SH3KBP1: variants seen among roughly 807,000 people sequenced by gnomAD.
SH3KBP1 encodes the protein SH3 domain-containing kinase-binding protein 1.
SH3KBP1 carries 8 observed loss-of-function variants against 50.1 expected under a neutral mutation model. The ratio of observed to expected loss-of-function variants is 0.16; its 90% CI spans 0.09 to 0.29. The LOEUF (loss-of-function observed/expected upper bound fraction) is 0.29. SH3KBP1 is among the 10% of genes least tolerant of loss of function. The pLI is 1.00. For missense variants in SH3KBP1, 377 were observed against 535.2 expected, an observed-to-expected ratio of 0.70 and a Z score of 2.92; for synonymous variants, 227 against 218.6, an observed-to-expected ratio of 1.04 and a Z score of -0.34.
intron 8 of SH3KBP1, among the ~76,000 whole-genome samples, chrX:19,618,245 G>A (rs780145836): frequency 9.1e-6 from 1 of 109,886 alleles, no homozygotes; most frequent in South Asian, 3.9e-4. Flanking sequence ...TTAGCCGGGC[G>A]TGGTGGCACA....
rs763203587 is a variant in SH3KBP1 at position 19,762,752 on chromosome X, G to A, written c.163-16311C>T. Among the ~76,000 whole-genome samples the A allele has an allele frequency of 9.8e-5, 11 of 111,873 alleles. No individual in the cohort carries two copies. The South Asian group carries it at 3.3e-3, about 34-fold the overall frequency. On this transcript the variant is annotated intron_variant, in intron 2 of 17. Coordinates refer to ENST00000397821, the MANE Select transcript of SH3KBP1 (RefSeq NM_031892.3). ...AGGCAAGGTGAATCAGGTGAGCTGC[G>A]TTATTTGTCACCATACCACAGATGA...
chrX:19,635,772 C>G (rs965719192), intron 7 of SH3KBP1, among the ~76,000 whole-genome samples: 5 of 110,738 alleles, frequency 4.5e-5, no homozygotes, highest in Non-Finnish European at 9.5e-5. Flanking sequence ...CCAACCACCC[C>G]CTCCTGTCCC....
In SH3KBP1 at chrX:19,774,654, A is replaced by AAAAGAAAGAAAGAAAG. The variant is rs3999801; in HGVS notation, c.163-28229_163-28214dup. ...CCACTGCACTCCCCTGTCTCAAAAA[A>AAAAGAAAGAAAGAAAG]AAAGAAAGAAAGAAAGAAAGAAAGA... On this transcript the variant is annotated intron_variant, in intron 2 of 17. Transcript: ENST00000397821. Among the ~76,000 whole-genome samples, 536 of 77,250 alleles carry AAAAGAAAGAAAGAAAG rather than the reference A, an allele frequency of 6.9e-3. 3 individuals are homozygous for AAAAGAAAGAAAGAAAG. Among genetic ancestry groups the AAAAGAAAGAAAGAAAG allele is most frequent in the East Asian group, 9.2e-3 (23 of 2,512 alleles). 67.1% of individuals were successfully genotyped at this position (77,250 alleles called of 115,157 possible).
At chrX:19,707,497 T>C (rs2063675869) in intron 3 of SH3KBP1, among the ~76,000 whole-genome samples, 1 of 111,812 alleles carries the variant, frequency 8.9e-6, no homozygotes, top group South Asian at 3.7e-4. Context: ...AAGTGAAGGC[T>C]GATTAGATTT....
At chrX:19,833,319 T>C (rs1186940208) in intron 2 of SH3KBP1, among the ~76,000 whole-genome samples, 2 of 104,189 alleles carry the variant, frequency 1.9e-5, no homozygotes, top group African/African-American at 7.1e-5. Context: ...CCTCCTTGCC[T>C]TCCCACATTC....
chrX:19,772,452 C>G (rs1318220422), intron 2 of SH3KBP1, among the ~76,000 whole-genome samples: 1 of 110,777 alleles, frequency 9.0e-6, no homozygotes. Context: ...AAAATAAGGC[C>G]CAAACAGCCT....
chrX:19,605,351 T>A (rs978766752), intron 9 of SH3KBP1, among the ~76,000 whole-genome samples: 1 of 111,730 alleles, frequency 9.0e-6, no homozygotes, highest in African/African-American at 3.3e-5. Context: ...CTTAAAAGCA[T>A]CACGTTGTAA....
At chrX:19,654,553 T>C (rs928810812) in intron 6 of SH3KBP1, among the ~76,000 whole-genome samples, 26 of 112,130 alleles carry the variant, frequency 2.3e-4, no homozygotes, top group African/African-American at 8.1e-4. Context: ...GATCATCTTA[T>C]TCACAGAGGA....
At chrX:19,757,050 C>T (rs1356406523) in intron 2 of SH3KBP1, among the ~76,000 whole-genome samples, 1 of 109,757 alleles carries the variant, frequency 9.1e-6, no homozygotes, top group Non-Finnish European at 1.9e-5. Context: ...TAGCTGGCAC[C>T]ATATGCCTGT....
chrX:19,831,372 C>T (rs1288485329), intron 2 of SH3KBP1, among the ~76,000 whole-genome samples: 1 of 103,519 alleles, frequency 9.7e-6, no homozygotes, highest in Non-Finnish European at 2.0e-5. Flanking sequence ...TGTGAACATG[C>T]CACTGCACTC....
chrX:19,600,091 G>A (rs1321403509), intron 9 of SH3KBP1, among the ~76,000 whole-genome samples: 1 of 57,690 alleles, frequency 1.7e-5, no homozygotes, highest in Non-Finnish European at 2.8e-5. Flanking sequence ...GCGAGACTCC[G>A]TCTCAAAAAA....
chrX:19,813,683 C>T (rs781077834), intron 2 of SH3KBP1, among the ~76,000 whole-genome samples: 2 of 110,831 alleles, frequency 1.8e-5, no homozygotes, highest in Non-Finnish European at 3.8e-5. Context: ...CCAGGACAGA[C>T]TGGCATCACC....
At chrX:19,680,929 G>T (rs1341529017) in intron 6 of SH3KBP1, among the ~76,000 whole-genome samples, 2 of 112,019 alleles carry the variant, frequency 1.8e-5, no homozygotes, top group African/African-American at 6.5e-5. Flanking sequence ...GTTTCATTCT[G>T]CAGACAAATC....
At chrX:19,682,071 A>G (rs1463367287) in intron 6 of SH3KBP1, among the ~76,000 whole-genome samples, 1 of 110,254 alleles carries the variant, frequency 9.1e-6, no homozygotes, top group Admixed American at 9.7e-5. Context: ...CGCTGCCTTC[A>G]ACTGAGATGG....
intron 3 of SH3KBP1, among the ~76,000 whole-genome samples, chrX:19,732,103 GTTTTC>G (rs2064397934): frequency 9.0e-6 from 1 of 111,170 alleles, no homozygotes; most frequent in Non-Finnish European, 1.9e-5. Context: ...ACTTTTTTAA[GTTTTC>G]TTTTCAATTG....
intron 2 of SH3KBP1, chrX:19,747,812 G>A (rs766154447): frequency 5.0e-5 from 15 of 302,530 alleles, no homozygotes; most frequent in African/African-American, 2.4e-4. Flanking sequence ...CTAACTAGGC[G>A]AAGCTCAGCC....
intron 1 of SH3KBP1, among the ~76,000 whole-genome samples, chrX:19,868,903 G>C (rs1305019486): frequency 2.7e-5 from 3 of 109,800 alleles, no homozygotes; most frequent in Non-Finnish European, 3.8e-5. Context: ...CTGTGAATAT[G>C]CCACCTAAAG....
intron 16 of SH3KBP1, among the ~76,000 whole-genome samples, 169 bp from the exon 17 acceptor site, chrX:19,537,949 A>G (rs1195918160): frequency 9.0e-6 from 1 of 111,640 alleles, no homozygotes; most frequent in African/African-American, 3.3e-5. Context: ...TTTGTTTCAG[A>G]CAGTAAGGCT....
intron 1 of SH3KBP1, among the ~76,000 whole-genome samples, chrX:19,860,964 G>A (rs1364508842): frequency 9.0e-6 from 1 of 111,681 alleles, no homozygotes. Flanking sequence ...TCTAATAATA[G>A]TACTATGATT....
Sources: allele counts gnomAD v4.1 joint callset (sites outside exome capture counted in the v4.1 genomes callset), GRCh38; gene constraint gnomAD v4.1.1; transcripts MANE v1.5; gene names NCBI Gene and HGNC (gene_info 2026-07-23, HGNC 2026-07-21).